The following NFS1 variants were observed in gnomAD, a reference collection of about 807,000 sequenced individuals.
NFS1 encodes cysteine desulfurase.
In NFS1, 26 loss-of-function variants were observed where a neutral mutation model predicts 57.3. The ratio of observed to expected loss-of-function variants is 0.45; its 90% CI spans 0.33 to 0.63. The LOEUF is 0.63. Among genes scored for constraint, NFS1 ranks in the 20% least tolerant of loss-of-function variants. The pLI is 0.02. For synonymous variants in NFS1, 209 were observed against 216.3 expected (o/e 0.97, Z 0.30); for missense variants, 505 against 605.8 (o/e 0.83, Z 1.75).
Position 35,675,660 on chromosome 20 carries a change from T to A in NFS1, c.791-458A>T, listed in dbSNP as rs186224438. 448 of 161,750 alleles carry A rather than the reference T, an allele frequency of 2.8e-3. 1 individual carries two copies. The highest frequency in any genetic ancestry group is 0.01 in the African/African-American group (418 of 41,604). The allele number at this position is 161,750 out of a possible 1,614,324, so 10.0% of individuals were successfully genotyped here. On this transcript the variant is annotated intron_variant, in intron 7 of 12. Coordinates refer to ENST00000374092, the MANE Select transcript of NFS1 (RefSeq NM_021100.5). ...GGGAGGTCAAGGCGGGCGGATCACC[T>A]GAGATCAGAAGTTAGAAACCAGCCT...
chr20:35,678,669 C>G (rs2034798145), intron 7 of NFS1, among the ~76,000 whole-genome samples: 1 of 152,044 alleles, frequency 6.6e-6, no homozygotes, highest in Non-Finnish European at 1.5e-5. Flanking sequence ...CACCACTGCA[C>G]TCCAGCCTGG....
chr20:35,683,492 A>T (rs965243467), intron 5 of NFS1, among the ~76,000 whole-genome samples: 2 of 150,732 alleles, frequency 1.3e-5, no homozygotes, highest in Non-Finnish European at 1.5e-5. Flanking sequence ...AAAAAAATTT[A>T]AAAAAAGGCC....
chr20:35,694,733 C>CA (rs2035101881), intron 4 of NFS1: 1 of 151,800 alleles, frequency 6.6e-6, no homozygotes, highest in Non-Finnish European at 1.5e-5. Flanking sequence ...ACTAAAAATA[C>CA]AAAAAATTAG....
In NFS1 at chr20:35,676,758, G is replaced by GAAAAAAAAAAAAAAAAA. The variant is rs746820595; in HGVS notation, c.791-1573_791-1557dup. On this transcript the variant is annotated intron_variant, in intron 7 of 12. Transcript: ENST00000374092. ...GCCTCCCAATAACCAGAGAAAATCAGAAAAAAAAAAAAAAAAAAAAAAAAA... is the reference window on the plus strand; with the variant it reads ...GCCTCCCAATAACCAGAGAAAATCAGAAAAAAAAAAAAAAAAAAAAAAAAAAAAAAAAAAAAAAAAAA... Among the ~76,000 whole-genome samples, 9 of 18,126 alleles carry GAAAAAAAAAAAAAAAAA rather than the reference G, an allele frequency of 5.0e-4. 1 individual carries two copies. Among genetic ancestry groups the GAAAAAAAAAAAAAAAAA allele is most frequent in the Non-Finnish European group, 8.3e-4 (9 of 10,880 alleles). 11.9% of individuals were successfully genotyped at this position (18,126 alleles called of 152,430 possible).
Position 35,676,641 on chromosome 20 carries a change from T to C in NFS1, c.791-1439A>G, listed in dbSNP as rs556595226. ...TGAAAGATTGAAACAGTGAGTACAGTATGCTATCATCTGGATAAAAAAGAA... is the reference window on the plus strand; with the variant it reads ...TGAAAGATTGAAACAGTGAGTACAGCATGCTATCATCTGGATAAAAAAGAA... On this transcript the variant is annotated intron_variant, in intron 7 of 12. Transcript: ENST00000374092. Among the ~76,000 whole-genome samples the C allele has an allele frequency of 2.0e-5, 3 of 151,290 alleles. No individual in the cohort carries two copies. The East Asian group carries it at 5.8e-4, about 29-fold the overall frequency.
At chr20:35,670,191 C>T (rs2034630498) in intron 12 of NFS1, among the ~76,000 whole-genome samples, 1 of 152,210 alleles carries the variant, frequency 6.6e-6, no homozygotes, top group Non-Finnish European at 1.5e-5. Context: ...AACCCTACAT[C>T]ATCTTGGTAT....
In NFS1 at chr20:35,673,616, G is replaced by A. The variant is rs144638713; in HGVS notation, c.1205C>T (p.Ala402Val). 10 of 1,613,562 alleles carry A rather than the reference G, an allele frequency of 6.2e-6. No individual in the cohort carries two copies. The highest frequency in any genetic ancestry group is 4.5e-5 in the East Asian group (2 of 44,878). Residue 402 changes from alanine to valine, a missense_variant, in exon 11 of 13, where the codon GCG becomes GTG. Ala to Val is a moderately conservative substitution (Grantham distance 64). Transcript: ENST00000374092. ...ACTCACTGACCTGATAGAAGAGTGC[G>A]CTAAATCCTCATCAGTGCCAATTGC... ...LRAIGTDEDL[A>V]HSSIRFGIGR... is the part of the protein sequence containing the mutation.
chr20:35,696,593 C>T, intron 3 of NFS1, 133 bp from the exon 4 acceptor site: 1 of 630,524 alleles, frequency 1.6e-6, no homozygotes, highest in Non-Finnish European at 2.8e-6. Context: ...TGAAGGTCTG[C>T]ACCTACAAGA....
At chr20:35,683,341 G>A (rs932374831) in intron 5 of NFS1, among the ~76,000 whole-genome samples, 5 of 151,804 alleles carry the variant, frequency 3.3e-5, no homozygotes, top group Non-Finnish European at 5.9e-5. Context: ...AATTAGCCGG[G>A]CGCAGTGGCA....
intron 5 of NFS1, among the ~76,000 whole-genome samples, chr20:35,688,476 G>T (rs1288095149): frequency 1.3e-5 from 2 of 151,986 alleles, no homozygotes; most frequent in African/African-American, 4.8e-5. Flanking sequence ...AGAATCGTTT[G>T]AACCCAGGAA....
chr20:35,685,512 A>C (rs2034922748), intron 5 of NFS1, among the ~76,000 whole-genome samples: 1 of 148,794 alleles, frequency 6.7e-6, no homozygotes, highest in Non-Finnish European at 1.5e-5. Context: ...ACAGAGCAAG[A>C]CCATGTCTCA....
chr20:35,672,326 C>G (rs1012255998), intron 12 of NFS1, among the ~76,000 whole-genome samples: 1 of 151,452 alleles, frequency 6.6e-6, no homozygotes. Context: ...CTTGGCTCAA[C>G]GCAACCTCCC....
In NFS1 at chr20:35,672,863, G is replaced by A. The variant is rs373543430; in HGVS notation, c.1221-19C>T. Reference sequence around the variant, plus strand: ...TCCAAACCTGAAAAAAGGCACAGGAGAATGGCTCCCCATCAGAGCTCTGGC... The same window carrying A: ...TCCAAACCTGAAAAAAGGCACAGGAAAATGGCTCCCCATCAGAGCTCTGGC... On this transcript the variant is annotated intron_variant, in intron 11 of 12. Coordinates refer to ENST00000374092, the MANE Select transcript of NFS1 (RefSeq NM_021100.5). 38 of 1,502,380 alleles carry A rather than the reference G, an allele frequency of 2.5e-5. No individual in the cohort carries two copies. Among genetic ancestry groups the A allele is most frequent in the Non-Finnish European group, 1.6e-5 (17 of 1,091,784 alleles). 93.1% of individuals were successfully genotyped at this position (1,502,380 alleles called of 1,614,324 possible).
chr20:35,685,725 G>A (rs1053050789), intron 5 of NFS1, among the ~76,000 whole-genome samples: 29 of 148,002 alleles, frequency 2.0e-4, no homozygotes, highest in Non-Finnish European at 1.3e-4. Context: ...AGGTGTGGTA[G>A]CGCATGCCTA....
chr20:35,674,366 C>T lies in NFS1; in HGVS notation c.1120G>A (p.Ala374Thr). 6.2e-7 allele frequency: 1 copy of T among 1,614,126 alleles called. No homozygotes were observed. The highest frequency in any genetic ancestry group is 8.5e-7 in the Non-Finnish European group (1 of 1,180,002). The change falls in exon 10 of 13, where the codon GCC (alanine) becomes ACC (threonine). Residue 374 changes from alanine to threonine, a missense_variant. By Grantham distance (58) the Ala-to-Thr change is moderately conservative (BLOSUM62 0). Coordinates refer to ENST00000374092, the MANE Select transcript of NFS1 (RefSeq NM_021100.5). The stretch of plus-strand genomic sequence containing the variant: ...CCAGCTCACCTCCCTGAGGATAAGG[C>T]AACGTCCTTCAGTGCCATCAGCAGA... Reference protein sequence around the residue: ...ESLLMALKDVALSSGSACTSA... With the variant: ...ESLLMALKDVTLSSGSACTSA...
chr20:35,684,181 G>T (rs972889665), intron 5 of NFS1, among the ~76,000 whole-genome samples: 2 of 152,012 alleles, frequency 1.3e-5, no homozygotes, highest in Non-Finnish European at 2.9e-5. Context: ...GCCGAGGCGG[G>T]CGGATCACAA....
chr20:35,683,701 G>T (rs1411579043), intron 5 of NFS1, among the ~76,000 whole-genome samples: 32 of 147,136 alleles, frequency 2.2e-4, no homozygotes, highest in Middle Eastern at 3.6e-3. Context: ...AGAATCGCTT[G>T]AACCTGGGAG....
chr20:35,693,686 G>A (rs1471208423), intron 4 of NFS1, among the ~76,000 whole-genome samples: 5 of 152,098 alleles, frequency 3.3e-5, no homozygotes, highest in South Asian at 2.1e-4. Flanking sequence ...ATAACAGGCC[G>A]GGCGCGGTGG....
intron 5 of NFS1, among the ~76,000 whole-genome samples, chr20:35,688,391 C>T (rs1404135711): frequency 2.6e-5 from 4 of 151,962 alleles, no homozygotes; most frequent in Admixed American, 2.6e-4. Flanking sequence ...CCTTTCTCTA[C>T]TAAAAATACA....
Sources: gnomAD v4.1 joint callset for allele counts (sites outside exome capture counted in the v4.1 genomes callset) on GRCh38, gnomAD v4.1.1 for gene constraint, MANE v1.5 for transcripts, NCBI Gene and HGNC (gene_info 2026-07-23, HGNC 2026-07-21) for gene names.